The following TSGA10 variants were observed in gnomAD, a reference collection of about 807,000 sequenced individuals.
The protein encoded by TSGA10 is testis specific 10.
In TSGA10, 43 loss-of-function variants were observed where a neutral mutation model predicts 96.6. The ratio of observed to expected loss-of-function variants is 0.44; its 90% CI spans 0.35 to 0.57. The LOEUF (loss-of-function observed/expected upper bound fraction) is 0.57, where lower values mean the gene tolerates loss of function less well. TSGA10 is among the 20% of genes least tolerant of loss of function. TSGA10 has a pLI of 0.01. For missense variants in TSGA10, 703 were observed against 834.4 expected (o/e 0.84, Z 1.94); for synonymous variants, 229 against 269.9 (o/e 0.85, Z 1.48).
intron 16 of TSGA10, among the ~76,000 whole-genome samples, chr2:99,053,973 T>C (rs2083697424): frequency 6.6e-6 from 1 of 152,168 alleles, no homozygotes; most frequent in Admixed American, 6.5e-5. Context: ...ATCTACAGAT[T>C]CAGTGTAATC....
chr2:99,131,682 A>G (rs537507977), intron 1 of TSGA10, among the ~76,000 whole-genome samples: 1 of 152,182 alleles, frequency 6.6e-6, no homozygotes, highest in Non-Finnish European at 1.5e-5. Context: ...GAGAGAGGGC[A>G]TCCTTGTCTT....
intron 1 of TSGA10, among the ~76,000 whole-genome samples, chr2:99,152,954 A>T (rs2093707776): frequency 6.6e-6 from 1 of 152,234 alleles, no homozygotes; most frequent in Admixed American, 6.5e-5. Context: ...CAGAAATGGT[A>T]CTTAGAGCCA....
intron 13 of TSGA10, 96 bp downstream of exon 13, chr2:99,072,922 G>T (rs575860152): frequency 1.2e-6 from 1 of 823,218 alleles, no homozygotes; most frequent in Non-Finnish European, 2.0e-6. Context: ...CACCTTACAC[G>T]TATCATTAAG....
intron 20 of TSGA10, among the ~76,000 whole-genome samples, chr2:99,001,108 T>G (rs2077863882): frequency 6.6e-6 from 1 of 152,168 alleles, no homozygotes; most frequent in Admixed American, 6.5e-5. Context: ...TCTGACAGCT[T>G]TGAAGAGAGC....
intron 16 of TSGA10, among the ~76,000 whole-genome samples, chr2:99,044,571 C>A (rs2082544195): frequency 6.6e-6 from 1 of 152,074 alleles, no homozygotes; most frequent in Non-Finnish European, 1.5e-5. Flanking sequence ...TAGACTCCCA[C>A]ACAATAATAG....
chr2:99,136,568 C>T (rs1210418481), intron 1 of TSGA10, among the ~76,000 whole-genome samples: 1 of 27,340 alleles, frequency 3.7e-5, no homozygotes, highest in African/African-American at 7.6e-5. Flanking sequence ...GAGGCCGAGG[C>T]GGGCGGATCA....
intron 16 of TSGA10, among the ~76,000 whole-genome samples, chr2:99,052,660 C>T (rs2083519327): frequency 1.3e-5 from 2 of 151,906 alleles, no homozygotes; most frequent in South Asian, 2.1e-4. Flanking sequence ...ATGGCGTGAA[C>T]CCAGGAGGCG....
intron 16 of TSGA10, among the ~76,000 whole-genome samples, chr2:99,044,351 CAA>C (rs57316203): frequency 4.0e-4 from 39 of 98,520 alleles, no homozygotes; most frequent in Admixed American, 5.2e-4. Context: ...AAATGGAAAG[CAA>C]AAAAAAAAAA....
At position 99,031,219 on chromosome 2, in the gene TSGA10, A is replaced by G. The variant is rs377668648; in HGVS notation, c.1614+4011T>C. 7.3e-5 allele frequency among the ~76,000 whole-genome samples: 11 copies of G among 151,314 alleles called. No homozygotes were observed. The East Asian group carries it at 9.7e-4, about 13-fold the overall frequency. On this transcript the variant is annotated intron_variant, in intron 17 of 20. Transcript: ENST00000393483. Reference sequence around the variant, plus strand: ...AATTGATTTTTCACAAGGGTACAAAATCAATTCAATGGCAGAAAGATAGCT... The same window carrying G: ...AATTGATTTTTCACAAGGGTACAAAGTCAATTCAATGGCAGAAAGATAGCT...
At chr2:99,052,100 C>T (rs112746235) in intron 16 of TSGA10, among the ~76,000 whole-genome samples, 1 of 150,510 alleles carries the variant, frequency 6.6e-6, no homozygotes, top group African/African-American at 2.4e-5. Context: ...CTAAAGCAAG[C>T]AGAAGGAAGA....
At chr2:99,140,034 C>G (rs1038055942) in intron 1 of TSGA10, among the ~76,000 whole-genome samples, 2 of 152,218 alleles carry the variant, frequency 1.3e-5, no homozygotes, top group African/African-American at 4.8e-5. Context: ...CAGAGAATCT[C>G]TACACCTGAT....
chr2:99,073,615 G>T (rs1413954174), intron 12 of TSGA10, among the ~76,000 whole-genome samples: 1 of 152,174 alleles, frequency 6.6e-6, no homozygotes, highest in Non-Finnish European at 1.5e-5. Flanking sequence ...GTATACTACT[G>T]ATATTTAGGT....
chr2:98,999,781 T>A (rs1191008115), intron 20 of TSGA10, among the ~76,000 whole-genome samples: 1 of 152,208 alleles, frequency 6.6e-6, no homozygotes, highest in Non-Finnish European at 1.5e-5. Flanking sequence ...CAGGGTCTCA[T>A]TCTGTTGCCC....
At chr2:99,062,041 G>C (rs2084754631) in intron 16 of TSGA10, among the ~76,000 whole-genome samples, 3 of 152,166 alleles carry the variant, frequency 2.0e-5, no homozygotes, top group African/African-American at 4.8e-5. Context: ...CCAGTCTCCA[G>C]AACTGTGAGA....
chr2:99,078,883 C>T (rs867422135), intron 11 of TSGA10, 70 bp from the exon 12 acceptor site: 155 of 1,357,320 alleles, frequency 1.1e-4, no homozygotes, highest in Middle Eastern at 5.5e-4. Context: ...AGCAGATTAT[C>T]GTACTTTTTG....
chr2:99,126,963 TA>T, intron 2 of TSGA10, 84 bp downstream of exon 2: 2 of 1,139,568 alleles, frequency 1.8e-6, no homozygotes, highest in East Asian at 1.2e-4. Flanking sequence ...TCTGAATTAG[TA>T]GTTATTTATT....
intron 12 of TSGA10, among the ~76,000 whole-genome samples, chr2:99,074,000 C>CT (rs1167854716): frequency 0.044 from 2,306 of 52,448 alleles, 412 homozygotes; most frequent in Non-Finnish European, 0.071. Flanking sequence ...TGTTTCTTTT[C>CT]TTTTTTTTTT....
chr2:99,141,033 C>T (rs2093522147), intron 1 of TSGA10: 2 of 1,220,610 alleles, frequency 1.6e-6, no homozygotes, highest in African/African-American at 1.6e-5. Flanking sequence ...AGAGACCTTC[C>T]AGTCCAGTAG....
At chr2:99,109,105 G>C in intron 6 of TSGA10, 114 bp from the exon 7 acceptor site, 1 of 876,134 alleles carries the variant, frequency 1.1e-6, no homozygotes, top group Non-Finnish European at 1.7e-6. Context: ...ATAATGAAAG[G>C]AAATTATAAA....
Sources: allele counts gnomAD v4.1 joint callset (sites outside exome capture counted in the v4.1 genomes callset), GRCh38; gene constraint gnomAD v4.1.1; transcripts MANE v1.5; gene names NCBI Gene and HGNC (gene_info 2026-07-23, HGNC 2026-07-21).